Variants in PDE8A observed in about 807,000 individuals in gnomAD.
PDE8A encodes phosphodiesterase 8A.
Under a neutral mutation model 105.0 loss-of-function variants are expected in PDE8A, and 59 were observed. The observed-to-expected ratio is 0.56, with a 90% confidence interval of 0.46 to 0.70. The LOEUF is 0.70. PDE8A is among the 30% of genes least tolerant of loss of function. The probability of loss-of-function intolerance (pLI) is 0.00; values close to 1 mark genes in which losing one functional copy is unlikely to be tolerated. For synonymous variants in PDE8A, 355 were observed against 371.9 expected (o/e 0.95, Z 0.52); for missense variants, 1,014 against 1,045.9 (o/e 0.97, Z 0.42).
chr15:85,101,664 C>T (rs924044548), intron 11 of PDE8A, among the ~76,000 whole-genome samples: 1 of 151,856 alleles, frequency 6.6e-6, no homozygotes, highest in Non-Finnish European at 1.5e-5. Context: ...AAGGAGACAC[C>T]AGAGAGAAGA....
Position 85,012,258 on chromosome 15 carries a change from T to C in PDE8A, c.186+29910T>C, listed in dbSNP as rs567486272. Among the ~76,000 whole-genome samples, 105 of 152,300 alleles carry C rather than the reference T, an allele frequency of 6.9e-4. 1 individual carries two copies. The highest frequency in any genetic ancestry group is 3.1e-4 in the Non-Finnish European group (21 of 68,038). ...AAAGACACATGCACACGTATGTTTA[T>C]TGCAGCACTATTCACAATAGCAAAG... On this transcript the variant is annotated intron_variant, in intron 1 of 21. Coordinates refer to ENST00000394553, the MANE Select transcript of PDE8A (RefSeq NM_002605.3).
At chr15:85,063,217 A>G (rs1174019613) in intron 1 of PDE8A, 6 of 152,208 alleles carry the variant, frequency 3.9e-5, no homozygotes, top group Non-Finnish European at 8.8e-5. Flanking sequence ...TTTTTCTCCC[A>G]TCACTAAGCA....
intron 8 of PDE8A, among the ~76,000 whole-genome samples, chr15:85,097,325 C>T (rs988555147): frequency 2.0e-5 from 3 of 152,194 alleles, no homozygotes; most frequent in African/African-American, 7.2e-5. Flanking sequence ...CCAGGCTGCA[C>T]TTCCTGTCTG....
At chr15:85,056,007 G>A (rs1261661407) in intron 1 of PDE8A, among the ~76,000 whole-genome samples, 1 of 152,140 alleles carries the variant, frequency 6.6e-6, no homozygotes, top group Non-Finnish European at 1.5e-5. Flanking sequence ...AGGCCTGGTG[G>A]TGACAAAATC....
At chr15:85,103,702 G>C (rs561403122) in intron 11 of PDE8A, among the ~76,000 whole-genome samples, 5 of 152,226 alleles carry the variant, frequency 3.3e-5, no homozygotes, top group African/African-American at 1.2e-4. Context: ...CCCCACTGCC[G>C]TAGGCATGCC....
At chr15:85,005,019 A>G (rs2080123591) in intron 1 of PDE8A, among the ~76,000 whole-genome samples, 1 of 152,036 alleles carries the variant, frequency 6.6e-6, no homozygotes, top group South Asian at 2.1e-4. Flanking sequence ...TGACTTTTCT[A>G]AAGTTTGTCT....
At chr15:85,067,613 T>C (rs996488212) in intron 3 of PDE8A, among the ~76,000 whole-genome samples, 5 of 152,336 alleles carry the variant, frequency 3.3e-5, no homozygotes, top group Admixed American at 1.3e-4. Flanking sequence ...ATGAGAGAAT[T>C]CTCTGTAGTG....
At chr15:85,051,337 A>G (rs1394052999) in intron 1 of PDE8A, among the ~76,000 whole-genome samples, 2 of 152,088 alleles carry the variant, frequency 1.3e-5, no homozygotes, top group East Asian at 1.9e-4. Context: ...AGGACTTTCT[A>G]TGTTGAATAG....
At chr15:84,988,279 A>G (rs959123190) in intron 1 of PDE8A, among the ~76,000 whole-genome samples, 4 of 152,076 alleles carry the variant, frequency 2.6e-5, no homozygotes, top group African/African-American at 4.8e-5. Flanking sequence ...TGCATTTCCC[A>G]TTCTTTGGTC....
rs560411786 is a variant in PDE8A at position 85,011,855 on chromosome 15, AAAAC to A, written c.186+29514_186+29517del. Among the ~76,000 whole-genome samples, 301 of 152,348 alleles carry A rather than the reference AAAAC, an allele frequency of 2.0e-3. 1 individual carries two copies. The highest frequency in any genetic ancestry group is 5.8e-3 in the African/African-American group (243 of 41,572). On this transcript the variant is annotated intron_variant, in intron 1 of 21. Transcript: ENST00000394553. ...GAACTCAAACAAATTTACAAGAAAA[AAAAC>A]AAACAACCCCATCAAAAAGTGGGCG...
At chr15:85,099,980 CAGA>C in intron 9 of PDE8A, 32 bp from the exon 10 acceptor site, 1 of 1,551,014 alleles carries the variant, frequency 6.4e-7, no homozygotes, top group Non-Finnish European at 8.8e-7. Flanking sequence ...ATTAGAGACT[CAGA>C]AGAGAAATAA....
intron 1 of PDE8A, among the ~76,000 whole-genome samples, chr15:85,016,091 G>A (rs927803038): frequency 7.9e-5 from 12 of 152,242 alleles, no homozygotes; most frequent in Middle Eastern, 3.4e-3. Flanking sequence ...AGCTGAGGTC[G>A]CGCCACTCAC....
intron 1 of PDE8A, among the ~76,000 whole-genome samples, chr15:85,004,495 C>T (rs1394266553): frequency 6.6e-6 from 1 of 152,162 alleles, no homozygotes; most frequent in Non-Finnish European, 1.5e-5. Context: ...GAATTGCAAA[C>T]CCGTATTGTG....
chr15:85,115,992 A>G lies in PDE8A; in HGVS notation c.1408A>G (p.Met470Val), dbSNP rs756747791. 6.2e-7 allele frequency: 1 copy of G among 1,613,370 alleles called. No homozygotes were observed. The highest frequency in any genetic ancestry group is 8.5e-7 in the Non-Finnish European group (1 of 1,179,360). The change falls in exon 16 of 22, where the codon ATG becomes GTG. Residue 470 changes from methionine (M) to valine (V), a missense_variant. Physicochemically the swap from Met to Val is conservative, Grantham distance 21 (BLOSUM62 1). Transcript: ENST00000394553. ...ATTACATCACTTTACAGACACTCAA[A>G]TGGTTTCAAGCAATATAATCACTCC... ...EYVLSTKNTQ[M>V]VSSNIITPIS...
Position 85,120,991 on chromosome 15 carries a change from C to G in PDE8A, c.1929C>G (p.Cys643Trp). 1 of 1,610,038 alleles carries G rather than the reference C, an allele frequency of 6.2e-7. No individual in the cohort carries two copies. Among genetic ancestry groups the G allele is most frequent in the Non-Finnish European group, 8.5e-7 (1 of 1,177,218 alleles). ...AFQLTTGDDK[C>W]NIFKNMERND... ...AGCTGACCACTGGAGATGATAAATG[C>G]AATATATTTAAAAACATGGAGAGGT... The change falls in exon 18 of 22, where the codon TGC becomes TGG. Residue 643 changes from cysteine (C) to tryptophan (W), a missense_variant. By Grantham distance (215) the Cys-to-Trp change is radical (BLOSUM62 -2). Coordinates refer to ENST00000394553, the MANE Select transcript of PDE8A (RefSeq NM_002605.3).
upstream of PDE8A, among the ~76,000 whole-genome samples, chr15:84,981,436 T>G (rs1365745451): frequency 4.0e-5 from 6 of 151,894 alleles, no homozygotes; most frequent in Non-Finnish European, 7.4e-5. Flanking sequence ...CGCGCAGCCG[T>G]TTCTGCGCTT....
chr15:85,011,768 A>C (rs571802601), intron 1 of PDE8A, among the ~76,000 whole-genome samples: 102 of 152,328 alleles, frequency 6.7e-4, no homozygotes, highest in African/African-American at 2.4e-3. Flanking sequence ...CAACCTACAA[A>C]ATGGGAGAAA....
intron 19 of PDE8A, among the ~76,000 whole-genome samples, chr15:85,123,524 T>C (rs1045481767): frequency 1.3e-5 from 2 of 152,102 alleles, no homozygotes; most frequent in African/African-American, 4.8e-5. Context: ...GCAGAGAGCA[T>C]CCAGCATGGG....
At chr15:85,042,907 G>A (rs906274742) in intron 1 of PDE8A, among the ~76,000 whole-genome samples, 3 of 152,148 alleles carry the variant, frequency 2.0e-5, no homozygotes, top group Admixed American at 6.5e-5. Flanking sequence ...TCCAGAATAC[G>A]GGTTATGGGA....
Sources: allele counts gnomAD v4.1 joint callset (sites outside exome capture counted in the v4.1 genomes callset), GRCh38; gene constraint gnomAD v4.1.1; transcripts MANE v1.5; gene names NCBI Gene and HGNC (gene_info 2026-07-23, HGNC 2026-07-21).